The following PDZRN3 variants were observed in gnomAD, a reference collection of about 807,000 sequenced individuals.
PDZRN3 encodes E3 ubiquitin-protein ligase PDZRN3.
In PDZRN3, 38 loss-of-function variants were observed where a neutral mutation model predicts 85.7. That is an observed-to-expected ratio of 0.44 (90% confidence interval 0.34 to 0.58). PDZRN3 has a LOEUF of 0.58. Among genes scored for constraint, PDZRN3 ranks in the 20% least tolerant of loss-of-function variants. The pLI is 0.01. For missense variants in PDZRN3, 1,629 were observed against 1,506.4 expected (o/e 1.08, Z -1.35); for synonymous variants, 759 against 638.0 (o/e 1.19, Z -2.86).
intron 3 of PDZRN3, among the ~76,000 whole-genome samples, chr3:73,446,236 T>G (rs887283194): frequency 1.3e-5 from 2 of 152,180 alleles, no homozygotes; most frequent in Non-Finnish European, 2.9e-5. Flanking sequence ...TACCATGACC[T>G]ACCTTGGCGT....
intron 3 of PDZRN3, among the ~76,000 whole-genome samples, chr3:73,468,892 C>T (rs1479432127): frequency 2.0e-5 from 3 of 152,068 alleles, no homozygotes; most frequent in Non-Finnish European, 4.4e-5. Context: ...ATCATTAGTA[C>T]CTCCCTCAAA....
intron 3 of PDZRN3, among the ~76,000 whole-genome samples, chr3:73,583,119 C>A (rs1275886226): frequency 6.6e-6 from 1 of 152,204 alleles, no homozygotes; most frequent in African/African-American, 2.4e-5. Flanking sequence ...CAGCCCCTAA[C>A]ATCTTAAGAT....
chr3:73,539,895 T>A (rs1181586888), intron 3 of PDZRN3, among the ~76,000 whole-genome samples: 1 of 151,784 alleles, frequency 6.6e-6, no homozygotes, highest in Non-Finnish European at 1.5e-5. Context: ...TAAAAAGCAA[T>A]CAGTAAGTGG....
intron 3 of PDZRN3, among the ~76,000 whole-genome samples, chr3:73,502,997 C>A (rs1704010120): frequency 6.6e-6 from 1 of 152,148 alleles, no homozygotes; most frequent in Non-Finnish European, 1.5e-5. Context: ...TTTTGCACTT[C>A]TGGGGCTGTG....
chr3:73,486,293 T>G (rs61460478), intron 3 of PDZRN3, among the ~76,000 whole-genome samples: 2,767 of 151,820 alleles, frequency 0.018, 79 homozygotes, highest in African/African-American at 0.063. Context: ...AGCCCATGGA[T>G]AGGAGGGGTG....
intron 3 of PDZRN3, among the ~76,000 whole-genome samples, chr3:73,495,915 T>G (rs1243866506): frequency 2.8e-4 from 43 of 152,184 alleles, no homozygotes; most frequent in Non-Finnish European, 4.4e-5. Flanking sequence ...TAGCTGGTAC[T>G]CAACATCGAT....
At chr3:73,447,033 C>T (rs1015939607) in intron 3 of PDZRN3, among the ~76,000 whole-genome samples, 7 of 77,826 alleles carry the variant, frequency 9.0e-5, no homozygotes, top group Admixed American at 3.5e-4. Flanking sequence ...TTCTGGCCAA[C>T]CTCTTGACTA....
chr3:73,615,891 T>C lies in PDZRN3; in HGVS notation c.724-7207A>G, dbSNP rs576314425. ...TCCCTAAATAAAGAAAAAAGTGCTATAGTTTGGATGACTGTCCCCCCAAAT... is the reference window on the plus strand; with the variant it reads ...TCCCTAAATAAAGAAAAAAGTGCTACAGTTTGGATGACTGTCCCCCCAAAT... On this transcript the variant is annotated intron_variant, in intron 1 of 9. Coordinates refer to ENST00000263666, the MANE Select transcript of PDZRN3 (RefSeq NM_015009.3). 9.2e-5 allele frequency among the ~76,000 whole-genome samples: 14 copies of C among 152,292 alleles called. No individual in the cohort carries two copies. In the South Asian group the frequency reaches 1.4e-3, roughly 16 times the overall value.
chr3:73,442,035 A>G (rs574852975), intron 3 of PDZRN3, among the ~76,000 whole-genome samples: 1 of 152,144 alleles, frequency 6.6e-6, no homozygotes, highest in African/African-American at 2.4e-5. Flanking sequence ...AATGTGACCA[A>G]TGTATCAAAG....
At chr3:73,477,462 G>GT (rs1469994564) in intron 3 of PDZRN3, among the ~76,000 whole-genome samples, 3 of 152,194 alleles carry the variant, frequency 2.0e-5, no homozygotes, top group African/African-American at 7.2e-5. Flanking sequence ...ATTGTCCACA[G>GT]TCTTGGATTA....
chr3:73,580,214 G>T (rs963901393), intron 3 of PDZRN3, among the ~76,000 whole-genome samples: 1 of 152,192 alleles, frequency 6.6e-6, no homozygotes, highest in Admixed American at 6.5e-5. Flanking sequence ...TTCACGAATG[G>T]TCCCAAGGAG....
At chr3:73,496,672 C>T (rs1268667800) in intron 3 of PDZRN3, among the ~76,000 whole-genome samples, 1 of 151,498 alleles carries the variant, frequency 6.6e-6, no homozygotes, top group Non-Finnish European at 1.5e-5. Flanking sequence ...TTTCAACACA[C>T]AAAAAGTCCT....
At chr3:73,534,741 T>C (rs1175365734) in intron 3 of PDZRN3, among the ~76,000 whole-genome samples, 7 of 152,252 alleles carry the variant, frequency 4.6e-5, no homozygotes, top group Admixed American at 2.0e-4. Context: ...ATCTTGTAGA[T>C]AATATCTTTT....
At chr3:73,457,442 T>A (rs879251830) in intron 3 of PDZRN3, among the ~76,000 whole-genome samples, 6 of 152,014 alleles carry the variant, frequency 3.9e-5, no homozygotes, top group Admixed American at 3.9e-4. Flanking sequence ...GAAGAAATGG[T>A]ATACTGAGTG....
intron 3 of PDZRN3, among the ~76,000 whole-genome samples, chr3:73,485,202 A>T (rs929070429): frequency 6.6e-6 from 1 of 152,010 alleles, no homozygotes; most frequent in African/African-American, 2.4e-5. Context: ...CCAACCTAAT[A>T]TTACATGATA....
chr3:73,549,584 T>A (rs1701504620), intron 3 of PDZRN3, among the ~76,000 whole-genome samples: 1 of 152,122 alleles, frequency 6.6e-6, no homozygotes, highest in South Asian at 2.1e-4. Flanking sequence ...AAACATTTCA[T>A]AAAGGGTTTT....
chr3:73,440,169 A>C (rs965740830), intron 3 of PDZRN3, among the ~76,000 whole-genome samples: 4 of 152,134 alleles, frequency 2.6e-5, no homozygotes, highest in African/African-American at 9.7e-5. Context: ...CTGATGGCTC[A>C]CTGTTTCACT....
intron 3 of PDZRN3, chr3:73,569,498 C>T: frequency 1.9e-6 from 2 of 1,073,522 alleles, no homozygotes; most frequent in Non-Finnish European, 2.3e-6. Flanking sequence ...CCTTTCTCCT[C>T]TTCTCTGCAA....
chr3:73,561,912 C>A (rs1701824458), intron 3 of PDZRN3, among the ~76,000 whole-genome samples: 1 of 148,714 alleles, frequency 6.7e-6, no homozygotes, highest in African/African-American at 2.5e-5. Context: ...AAACCCAAGT[C>A]ATTTTTTTTT....
Sources: allele counts gnomAD v4.1 joint callset (sites outside exome capture counted in the v4.1 genomes callset), GRCh38; gene constraint gnomAD v4.1.1; transcripts MANE v1.5; gene names NCBI Gene and HGNC (gene_info 2026-07-23, HGNC 2026-07-21).